BCAR1: variants seen among roughly 807,000 people sequenced by gnomAD.
BCAR1 encodes breast cancer anti-estrogen resistance protein 1.
In BCAR1, 30 loss-of-function variants were observed where a neutral mutation model predicts 67.6. The ratio of observed to expected loss-of-function variants is 0.44; its 90% CI spans 0.33 to 0.60. The LOEUF (loss-of-function observed/expected upper bound fraction) is 0.60. Ranked by LOEUF, BCAR1 falls within the 20% of genes least tolerant of loss-of-function variation. BCAR1 has a pLI of 0.02. For synonymous variants in BCAR1, 626 were observed against 556.7 expected (o/e 1.12, Z -1.75); for missense variants, 1,313 against 1,222.3 (o/e 1.07, Z -1.11).
At chr16:75,263,768 A>G in intron 1 of BCAR1, 9 of 986,602 alleles carry the variant, frequency 9.1e-6, no homozygotes, top group Non-Finnish European at 1.1e-5. Context: ...CGTGTCCCTG[A>G]GCAGTCGCCA....
At chr16:75,243,797 CA>C (rs2077430662) in intron 1 of BCAR1, among the ~76,000 whole-genome samples, 1 of 152,212 alleles carries the variant, frequency 6.6e-6, no homozygotes, top group Admixed American at 6.5e-5. Flanking sequence ...GTGGCGAGGG[CA>C]GGGGCGGAGC....
chr16:75,264,251 G>T (rs978257050), intron 1 of BCAR1: 10 of 1,371,810 alleles, frequency 7.3e-6, no homozygotes, highest in Non-Finnish European at 6.6e-6. Context: ...TCTGACTGTG[G>T]ACAACCAAAC....
intron 6 of BCAR1, among the ~76,000 whole-genome samples, chr16:75,233,042 T>C (rs559298161): frequency 5.9e-5 from 9 of 152,144 alleles, no homozygotes; most frequent in Non-Finnish European, 1.2e-4. Flanking sequence ...ATGAGGAAAA[T>C]TCTATTAACA....
intron 1 of BCAR1, chr16:75,250,539 G>A (rs2077647875): frequency 5.5e-6 from 4 of 726,886 alleles, no homozygotes; most frequent in Non-Finnish European, 6.7e-6. Context: ...CTCTCAGGAG[G>A]GAACGGGAGC....
intron 1 of BCAR1, chr16:75,264,497 G>C: frequency 6.9e-7 from 1 of 1,440,632 alleles, no homozygotes; most frequent in Non-Finnish European, 9.1e-7. Flanking sequence ...GGCTTGGCAG[G>C]CATGTTCTGT....
Position 75,242,694 on chromosome 16 carries a change from A to C in BCAR1, c.409T>G (p.Phe137Val), listed in dbSNP as rs1196079343. Reference protein sequence around the residue: ...LYQVPGPSPQFQSPPAKQTST... With the variant: ...LYQVPGPSPQVQSPPAKQTST... ...GTCTGCTTGGCTGGGGGAGACTGGA[A>C]CTGAGGGCTGGGACCCGGGACTTGG... The change falls in exon 2 of 7, where the codon TTC becomes GTC. Residue 137 changes from phenylalanine (F) to valine (V), a missense_variant. Around this residue, in one of 2 missense-constraint regions of BCAR1, gnomAD observed 1,272 missense variants for 1,137.5 expected, o/e 1.12. Transcript: ENST00000162330. 6.5e-6 allele frequency: 10 copies of C among 1,546,458 alleles called. No individual in the cohort carries two copies. The Admixed American group carries it at 1.2e-4, about 19-fold the overall frequency.
intron 2 of BCAR1, 129 bp downstream of exon 2, chr16:75,242,341 G>C: frequency 7.8e-7 from 1 of 1,286,452 alleles, no homozygotes; most frequent in East Asian, 2.9e-5. Context: ...TTCCCACTTT[G>C]ACCCCAGACC....
At chr16:75,254,622 C>T (rs1256004505), upstream of BCAR1, among the ~76,000 whole-genome samples, 6 of 152,198 alleles carry the variant, frequency 3.9e-5, no homozygotes, top group Admixed American at 1.3e-4. Flanking sequence ...CAAGGAGAGA[C>T]GCCCTGAATA....
In BCAR1 at chr16:75,251,353, C is replaced by T. The variant is rs974425058; in HGVS notation, c.12+118G>A. On this transcript the variant is annotated intron_variant, in intron 1 of 6. Transcript: ENST00000162330. Reference sequence around the variant, plus strand: ...AGAAGGAGATCCCAGGGCCGCGGACCCCGGCCGGCGGTTCCCAGGCCCCGC... The same window carrying T: ...AGAAGGAGATCCCAGGGCCGCGGACTCCGGCCGGCGGTTCCCAGGCCCCGC... 19 of 1,370,608 alleles carry T rather than the reference C, an allele frequency of 1.4e-5. No homozygotes were observed. The East Asian group carries it at 6.2e-4, about 44-fold the overall frequency. The allele number at this position is 1,370,608 out of a possible 1,614,324, so 84.9% of individuals were successfully genotyped here.
At chr16:75,250,908 C>T in intron 1 of BCAR1, 5 of 985,528 alleles carry the variant, frequency 5.1e-6, no homozygotes, top group Non-Finnish European at 6.0e-6. Context: ...ACTCCCGCTC[C>T]GCTCCCGGAA....
intron 2 of BCAR1, chr16:75,238,658 GCTGGGGGCCTC>G: frequency 1.0e-6 from 1 of 986,106 alleles, no homozygotes; most frequent in Non-Finnish European, 1.2e-6. Context: ...CAGAGTCCCG[GCTGGGGGCCTC>G]CGTGGGGTGT....
rs187469013 is a variant in BCAR1, at chr16:75,237,257, G to C, written c.721C>G (p.Leu241Val). Residue 241 changes from leucine to valine, a missense_variant, in exon 3 of 7, where the codon CTG (leucine) becomes GTG (valine). Around this residue, in one of 2 missense-constraint regions of BCAR1, gnomAD observed 1,272 missense variants for 1,137.5 expected, o/e 1.12. Coordinates refer to ENST00000162330, the MANE Select transcript of BCAR1 (RefSeq NM_014567.5). ...QDEYDIPRHL[L>V]APGPQDIYDV... ...TAGATGTCCTGTGGCCCCGGGGCCA[G>C]CAGGTGTCGCGGGATGTCGTACTCG... 3.9e-4 allele frequency: 600 copies of C among 1,527,300 alleles called. 1 individual carries two copies. The highest frequency in any genetic ancestry group is 4.7e-4 in the Non-Finnish European group (541 of 1,142,428). The allele number at this position is 1,527,300 out of a possible 1,614,324, so 94.6% of individuals were successfully genotyped here. A position where few individuals can be genotyped will look rare whatever the true frequency, so the allele number is the denominator to read the frequency against.
At position 75,236,985 on chromosome 16, in the gene BCAR1, G is replaced by T. The variant is rs2077162503; in HGVS notation, c.809C>A (p.Pro270His). ...SQYGQEVYDT[P>H]PMAVKGPNGR... The stretch of plus-strand genomic sequence containing the variant: ...ATTGGGACCCTTGACAGCCATGGGG[G>T]GTGTGTCATACACCTGGGGCAGAAA... Residue 270 changes from proline (P) to histidine (H), a missense_variant, in exon 4 of 7, where the codon CCC becomes CAC. By Grantham distance (77) the Pro-to-His change is moderately conservative (BLOSUM62 -2). Around this residue, in one of 2 missense-constraint regions of BCAR1, gnomAD observed 1,272 missense variants for 1,137.5 expected, o/e 1.12. Coordinates refer to ENST00000162330, the MANE Select transcript of BCAR1 (RefSeq NM_014567.5). The T allele has an allele frequency of 1.2e-6, 2 of 1,604,074 alleles. No homozygotes were observed. Among genetic ancestry groups the T allele is most frequent in the Admixed American group, 1.7e-5 (1 of 59,384 alleles).
chr16:75,230,573 T>C (rs1157494868), intron 6 of BCAR1, among the ~76,000 whole-genome samples: 1 of 152,190 alleles, frequency 6.6e-6, no homozygotes, highest in Non-Finnish European at 1.5e-5. Context: ...GAACCTCTGC[T>C]AAATCATCTT....
At chr16:75,238,807 G>C in intron 2 of BCAR1, 1 of 985,566 alleles carries the variant, frequency 1.0e-6, no homozygotes, top group African/African-American at 1.7e-5. Context: ...TGCCAACAGC[G>C]GGGCAGGCGG....
intron 1 of BCAR1, chr16:75,250,925 G>C: frequency 1.0e-6 from 1 of 985,420 alleles, no homozygotes; most frequent in Non-Finnish European, 1.2e-6. Flanking sequence ...GGAACCCCGC[G>C]CCGGCGGCCG....
At chr16:75,266,656 G>T (rs2078013296) in intron 1 of BCAR1, 1 of 1,197,582 alleles carries the variant, frequency 8.4e-7, no homozygotes, top group Non-Finnish European at 1.1e-6. Flanking sequence ...ACTCCTGCCA[G>T]GCAGGCCTTG....
intron 1 of BCAR1, among the ~76,000 whole-genome samples, chr16:75,257,430 G>C (rs1443549988): frequency 6.6e-6 from 1 of 152,146 alleles, no homozygotes; most frequent in African/African-American, 2.4e-5. Flanking sequence ...AGGGAAGACA[G>C]AGCTGTGGCA....
At chr16:75,262,215 G>A (rs1312284756) in intron 1 of BCAR1, among the ~76,000 whole-genome samples, 2 of 152,174 alleles carry the variant, frequency 1.3e-5, no homozygotes, top group East Asian at 1.9e-4. Context: ...TCTGCACGGG[G>A]ATACAGCCAC....
Sources: allele counts gnomAD v4.1 joint callset (sites outside exome capture counted in the v4.1 genomes callset), GRCh38; gene constraint gnomAD v4.1.1; regional missense constraint gnomAD v4.1.1; transcripts MANE v1.5; gene names NCBI Gene and HGNC (gene_info 2026-07-23, HGNC 2026-07-21).